The following JAZF1 variants were observed in gnomAD, a reference collection of about 807,000 sequenced individuals.
JAZF1 encodes JAZF zinc finger 1.
Under a neutral mutation model 26.4 loss-of-function variants are expected in JAZF1, and 8 were observed. That is an observed-to-expected ratio of 0.30 (90% CI 0.18 to 0.55). The LOEUF (loss-of-function observed/expected upper bound fraction) is 0.55. Among genes scored for constraint, JAZF1 ranks in the 20% least tolerant of loss-of-function variants. JAZF1 has a pLI of 0.94. For missense variants in JAZF1, 199 were observed against 322.0 expected, an observed-to-expected ratio of 0.62 and a Z score of 2.92; for synonymous variants, 126 against 122.3, an observed-to-expected ratio of 1.03 and a Z score of -0.20.
chr7:27,866,513 G>A (rs1409416558), intron 3 of JAZF1, among the ~76,000 whole-genome samples: 3 of 152,220 alleles, frequency 2.0e-5, no homozygotes, highest in Non-Finnish European at 4.4e-5. Context: ...CAGGGCTGTG[G>A]TGAAGATTCT....
At chr7:27,902,193 G>A (rs948841193) in intron 2 of JAZF1, among the ~76,000 whole-genome samples, 4 of 152,150 alleles carry the variant, frequency 2.6e-5, no homozygotes, top group African/African-American at 9.7e-5. Flanking sequence ...AGACCCTAAT[G>A]GGGGTATTAT....
At chr7:28,095,877 C>G (rs1238540539) in intron 1 of JAZF1, among the ~76,000 whole-genome samples, 1 of 152,244 alleles carries the variant, frequency 6.6e-6, no homozygotes, top group Non-Finnish European at 1.5e-5. Flanking sequence ...GCCTTGCTTC[C>G]TGGCTCATAG....
At chr7:28,160,979 A>G (rs1378597354) in intron 1 of JAZF1, among the ~76,000 whole-genome samples, 1 of 152,162 alleles carries the variant, frequency 6.6e-6, no homozygotes, top group Non-Finnish European at 1.5e-5. Context: ...CCATTCCTGC[A>G]TTAGAATGTA....
At chr7:27,952,277 G>T (rs182439304) in intron 2 of JAZF1, among the ~76,000 whole-genome samples, 1 of 152,246 alleles carries the variant, frequency 6.6e-6, no homozygotes, top group East Asian at 1.9e-4. Context: ...GGTGGGGAGG[G>T]GTCAGAGAAG....
intron 2 of JAZF1, among the ~76,000 whole-genome samples, chr7:27,953,715 A>G (rs1785045782): frequency 6.6e-6 from 1 of 152,208 alleles, no homozygotes; most frequent in Admixed American, 6.5e-5. Context: ...ACTAGAAAAT[A>G]AATAGACTGA....
At chr7:28,087,358 C>A (rs186152702) in intron 1 of JAZF1, among the ~76,000 whole-genome samples, 1 of 151,074 alleles carries the variant, frequency 6.6e-6, no homozygotes, top group Non-Finnish European at 1.5e-5. Context: ...TTTCAGAGGG[C>A]AAAATAGACG....
intron 2 of JAZF1, among the ~76,000 whole-genome samples, chr7:27,934,158 G>A (rs1226676316): frequency 6.6e-6 from 1 of 152,138 alleles, no homozygotes; most frequent in African/African-American, 2.4e-5. Context: ...GTTAGTCAGG[G>A]TGCACATTCA....
chr7:28,073,653 G>A (rs1784009747), intron 1 of JAZF1, among the ~76,000 whole-genome samples: 1 of 152,132 alleles, frequency 6.6e-6, no homozygotes, highest in Admixed American at 6.5e-5. Flanking sequence ...CAGGGAACGT[G>A]CTTATTTACG....
chr7:28,161,347 C>T (rs1783284397), intron 1 of JAZF1, among the ~76,000 whole-genome samples: 5 of 150,082 alleles, frequency 3.3e-5, no homozygotes, highest in South Asian at 4.2e-4. Context: ...AACCCTAGAG[C>T]CCCAAGAACA....
chr7:27,957,513 G>A (rs1286404532), intron 2 of JAZF1, among the ~76,000 whole-genome samples: 2 of 152,146 alleles, frequency 1.3e-5, no homozygotes, highest in Non-Finnish European at 2.9e-5. Context: ...ATAAGAAAGT[G>A]GATGAATGAA....
At chr7:27,944,045 C>T (rs1484129190) in intron 2 of JAZF1, among the ~76,000 whole-genome samples, 1 of 152,164 alleles carries the variant, frequency 6.6e-6, no homozygotes, top group Non-Finnish European at 1.5e-5. Flanking sequence ...CAAATTCCAC[C>T]TAAGTTTCAC....
At chr7:27,986,352 T>G (rs1785706043) in intron 2 of JAZF1, among the ~76,000 whole-genome samples, 1 of 152,090 alleles carries the variant, frequency 6.6e-6, no homozygotes, top group Admixed American at 6.5e-5. Context: ...ATGAGTGAAC[T>G]CCCATTCACA....
intron 1 of JAZF1, among the ~76,000 whole-genome samples, chr7:28,085,151 T>C (rs1250072887): frequency 6.6e-6 from 1 of 152,224 alleles, no homozygotes; most frequent in Non-Finnish European, 1.5e-5. Context: ...GGTGGCTCAG[T>C]TCATACTATA....
At chr7:27,887,338 G>A (rs371616887) in intron 3 of JAZF1, among the ~76,000 whole-genome samples, 24 of 152,250 alleles carry the variant, frequency 1.6e-4, no homozygotes, top group African/African-American at 5.8e-4. Context: ...ATTAGATGGT[G>A]AATGTGAATG....
chr7:28,078,484 G>A (rs1003623053), intron 1 of JAZF1, among the ~76,000 whole-genome samples: 2 of 152,156 alleles, frequency 1.3e-5, no homozygotes, highest in African/African-American at 4.8e-5. Flanking sequence ...CTTGCGGTAG[G>A]CAGGCTGCAT....
chr7:27,865,611 C>T (rs1200744121), intron 3 of JAZF1, among the ~76,000 whole-genome samples: 1 of 151,920 alleles, frequency 6.6e-6, no homozygotes, highest in Non-Finnish European at 1.5e-5. Flanking sequence ...AACAGGCTAA[C>T]AGAGAAAGAG....
At chr7:28,123,787 G>A (rs1196778156) in intron 1 of JAZF1, among the ~76,000 whole-genome samples, 3 of 152,190 alleles carry the variant, frequency 2.0e-5, no homozygotes, top group Non-Finnish European at 2.9e-5. Flanking sequence ...TCTTACTAAG[G>A]TCAGGAAAAA....
At chr7:28,174,304 C>T (rs1190083823) in intron 1 of JAZF1, among the ~76,000 whole-genome samples, 7 of 152,166 alleles carry the variant, frequency 4.6e-5, no homozygotes, top group Admixed American at 4.6e-4. Context: ...TTAAGGAATT[C>T]AGAAACATTG....
At chr7:27,935,681 A>G (rs1188983650) in intron 2 of JAZF1, among the ~76,000 whole-genome samples, 1 of 152,218 alleles carries the variant, frequency 6.6e-6, no homozygotes, top group Non-Finnish European at 1.5e-5. Flanking sequence ...AATATGTGAA[A>G]TGTATGGTAT....
Sources: gnomAD v4.1 joint callset for allele counts (sites outside exome capture counted in the v4.1 genomes callset) on GRCh38, gnomAD v4.1.1 for gene constraint, MANE v1.5 for transcripts, NCBI Gene and HGNC (gene_info 2026-07-23, HGNC 2026-07-21) for gene names.